CLVS2: variants seen among roughly 807,000 people sequenced by gnomAD.
The protein encoded by CLVS2 is clavesin 2.
Under a neutral mutation model 29.0 loss-of-function variants are expected in CLVS2, and 19 were observed. That is an observed-to-expected ratio of 0.66 (90% confidence interval 0.46 to 0.96). The LOEUF (loss-of-function observed/expected upper bound fraction) is 0.96. Among genes scored for constraint, CLVS2 ranks in the 40% least tolerant of loss-of-function variants. CLVS2 has a pLI of 0.00. For missense variants in CLVS2, 294 were observed against 404.1 expected, an observed-to-expected ratio of 0.73 and a Z score of 2.34; for synonymous variants, 161 against 151.3, an observed-to-expected ratio of 1.06 and a Z score of -0.47.
chr6:123,051,825 C>G (rs1490015752), intron 4 of CLVS2, among the ~76,000 whole-genome samples: 1 of 152,088 alleles, frequency 6.6e-6, no homozygotes, highest in Non-Finnish European at 1.5e-5. Context: ...GACCAAACTT[C>G]TTGCATGAAA....
At chr6:123,015,027 T>G (rs566527449) in intron 3 of CLVS2, among the ~76,000 whole-genome samples, 323 of 68,650 alleles carry the variant, frequency 4.7e-3, no homozygotes, top group African/African-American at 0.023. Context: ...CTTTGAAAGT[T>G]GAGTGAAAGT....
intron 3 of CLVS2, among the ~76,000 whole-genome samples, chr6:123,034,194 A>G (rs1022995579): frequency 6.6e-6 from 1 of 152,146 alleles, no homozygotes; most frequent in Non-Finnish European, 1.5e-5. Flanking sequence ...TGATTCAGCA[A>G]TTGCATTCTG....
At chr6:123,044,807 G>A (rs1021601792) in intron 3 of CLVS2, among the ~76,000 whole-genome samples, 3 of 152,132 alleles carry the variant, frequency 2.0e-5, no homozygotes, top group African/African-American at 7.2e-5. Context: ...CTATCTTGCA[G>A]CTATCTATTT....
Position 123,066,917 on chromosome 6 carries a change from T to C in CLVS2, c.*3156T>C, listed in dbSNP as rs997426653. ...TCTCTGTTGTGTAAGTTAAATACAGTAACTTTAGTACATGTTAATGATAAA... is the reference window on the plus strand; with the variant it reads ...TCTCTGTTGTGTAAGTTAAATACAGCAACTTTAGTACATGTTAATGATAAA... On this transcript the variant is annotated 3_prime_UTR_variant, in exon 6 of 6. Transcript: ENST00000275162. 1.3e-5 allele frequency: 2 copies of C among 151,696 alleles called. No individual in the cohort carries two copies. Among genetic ancestry groups the C allele is most frequent in the African/African-American group, 4.8e-5 (2 of 41,392 alleles). The allele number at this position is 151,696 out of a possible 1,614,324, so 9.4% of individuals were successfully genotyped here.
intron 2 of CLVS2, among the ~76,000 whole-genome samples, chr6:122,998,756 G>A (rs1217344580): frequency 6.6e-6 from 1 of 152,120 alleles, no homozygotes; most frequent in African/African-American, 2.4e-5. Context: ...ATCCTCTGTC[G>A]CTGAGCATGC....
intron 2 of CLVS2, among the ~76,000 whole-genome samples, chr6:123,001,717 G>A (rs1034181090): frequency 4.6e-5 from 7 of 152,138 alleles, no homozygotes; most frequent in Non-Finnish European, 1.0e-4. Flanking sequence ...CAAATGGTTC[G>A]CAGGATCTTA....
chr6:123,014,600 A>G (rs896000109), intron 3 of CLVS2, among the ~76,000 whole-genome samples: 2 of 152,070 alleles, frequency 1.3e-5, no homozygotes, highest in African/African-American at 4.8e-5. Flanking sequence ...GTGTTATTAT[A>G]TTAGAAATGA....
At chr6:123,007,820 G>T (rs911982428) in intron 2 of CLVS2, among the ~76,000 whole-genome samples, 1 of 152,126 alleles carries the variant, frequency 6.6e-6, no homozygotes, top group African/African-American at 2.4e-5. Flanking sequence ...TTGATTTATA[G>T]CTTTCTTTCA....
chr6:123,010,946 G>GT, intron 2 of CLVS2, 39 bp from the exon 3 acceptor site: 1 of 1,326,928 alleles, frequency 7.5e-7, no homozygotes, highest in East Asian at 2.7e-5. Flanking sequence ...TGGAAAAGTG[G>GT]TTGTCAGACC....
intron 2 of CLVS2, among the ~76,000 whole-genome samples, chr6:123,009,944 A>G (rs900006803): frequency 5.3e-5 from 8 of 152,014 alleles, no homozygotes; most frequent in Non-Finnish European, 1.0e-4. Flanking sequence ...TTTGTTTCAG[A>G]AGCTTGCTTG....
intron 3 of CLVS2, among the ~76,000 whole-genome samples, chr6:123,047,688 A>T (rs974621496): frequency 3.3e-5 from 5 of 152,058 alleles, no homozygotes; most frequent in Admixed American, 3.3e-4. Context: ...CTCTAAATAG[A>T]ATTCAGAAGA....
intron 3 of CLVS2, among the ~76,000 whole-genome samples, chr6:123,024,719 GATA>G (rs1473507402): frequency 6.6e-6 from 1 of 152,022 alleles, no homozygotes; most frequent in Non-Finnish European, 1.5e-5. Flanking sequence ...GAAAAATGGC[GATA>G]ATAAGATTTG....
At chr6:123,030,765 A>G (rs1775072525) in intron 3 of CLVS2, among the ~76,000 whole-genome samples, 1 of 150,880 alleles carries the variant, frequency 6.6e-6, no homozygotes, top group Admixed American at 6.6e-5. Context: ...AGGGCTTTAA[A>G]GTTTACTTTG....
At chr6:123,041,999 A>C (rs995434901) in intron 3 of CLVS2, among the ~76,000 whole-genome samples, 1 of 152,188 alleles carries the variant, frequency 6.6e-6, no homozygotes, top group Non-Finnish European at 1.5e-5. Flanking sequence ...GCCACATATT[A>C]ATGGGAAATG....
chr6:123,018,242 C>T (rs184055383), intron 3 of CLVS2, among the ~76,000 whole-genome samples: 9 of 152,114 alleles, frequency 5.9e-5, no homozygotes, highest in African/African-American at 2.2e-4. Context: ...AATGCAGGCC[C>T]TCTCTTATTC....
intron 3 of CLVS2, among the ~76,000 whole-genome samples, chr6:123,045,740 G>A (rs549074437): frequency 1.3e-5 from 2 of 152,144 alleles, no homozygotes; most frequent in Non-Finnish European, 2.9e-5. Flanking sequence ...AGGAGCTCAC[G>A]GTTTAATAGT....
intron 3 of CLVS2, among the ~76,000 whole-genome samples, chr6:123,041,400 A>G (rs1775232657): frequency 6.6e-6 from 1 of 152,186 alleles, no homozygotes; most frequent in Non-Finnish European, 1.5e-5. Context: ...TTAAGAATCC[A>G]TGGCAGATTT....
chr6:122,997,582 G>T lies in CLVS2; in HGVS notation c.-196G>T. 1.6e-6 allele frequency: 1 copy of T among 610,914 alleles called. No homozygotes were observed. The highest frequency in any genetic ancestry group is 2.9e-6 in the Non-Finnish European group (1 of 342,900). The allele number at this position is 610,914 out of a possible 1,614,324, so 37.8% of individuals were successfully genotyped here. A position where few individuals can be genotyped will look rare whatever the true frequency, so the allele number is the denominator to read the frequency against. ...CAGAGGAAGAAGTTTACACCCCCCG[G>T]CCCCCCCAGCTTTGCTGGGGGAAAG... On this transcript the variant is annotated 5_prime_UTR_variant, in exon 2 of 6. Transcript: ENST00000275162.
chr6:122,997,717 AG>A lies in CLVS2; in HGVS notation c.-59del. ...CTGGAGTCTGGTGGTGGCAAGGACC[AG>A]GTTTGCTTTGGGACAGTCAACAAGG... On this transcript the variant is annotated 5_prime_UTR_variant, in exon 2 of 6. Coordinates refer to ENST00000275162, the MANE Select transcript of CLVS2 (RefSeq NM_001010852.4). 1 of 1,550,474 alleles carries A rather than the reference AG, an allele frequency of 6.4e-7. No individual in the cohort carries two copies. The highest frequency in any genetic ancestry group is 1.2e-5 in the South Asian group (1 of 82,664).
Sources: gnomAD v4.1 joint callset for allele counts (sites outside exome capture counted in the v4.1 genomes callset) on GRCh38, gnomAD v4.1.1 for gene constraint, MANE v1.5 for transcripts, NCBI Gene and HGNC (gene_info 2026-07-23, HGNC 2026-07-21) for gene names.